The following ODR4 variants were observed in gnomAD, a reference collection of about 807,000 sequenced individuals.
The protein encoded by ODR4 is protein odr-4 homolog.
In ODR4, 47 loss-of-function variants were observed where a neutral mutation model predicts 60.2. The ratio of observed to expected loss-of-function variants is 0.78; its 90% confidence interval spans 0.62 to 1.00. ODR4 has a LOEUF of 1.00. ODR4 is among the 50% of genes least tolerant of loss of function. The pLI is 0.00. For synonymous variants in ODR4, 178 were observed against 175.5 expected (o/e 1.01, Z -0.11); for missense variants, 488 against 530.8 (o/e 0.92, Z 0.79).
At chr1:186,413,851 A>G (rs1661458047) in intron 12 of ODR4, among the ~76,000 whole-genome samples, 1 of 152,204 alleles carries the variant, frequency 6.6e-6, no homozygotes, top group Non-Finnish European at 1.5e-5. Context: ...CCTACCTATC[A>G]GCAGCTTGGA....
At chr1:186,398,581 C>T (rs1660789401) in intron 10 of ODR4, 140 bp downstream of exon 10, 1 of 824,360 alleles carries the variant, frequency 1.2e-6, no homozygotes, top group Non-Finnish European at 1.8e-6. Flanking sequence ...TCCAAATGTA[C>T]CATATAATTG....
chr1:186,408,646 TATATA>T (rs1289758651), intron 12 of ODR4, among the ~76,000 whole-genome samples: 8 of 150,062 alleles, frequency 5.3e-5, no homozygotes, highest in Middle Eastern at 3.6e-3. Context: ...GTTTATAAAA[TATATA>T]ATATAAACAA....
At chr1:186,413,352 G>C (rs1334609362) in intron 12 of ODR4, among the ~76,000 whole-genome samples, 1 of 151,868 alleles carries the variant, frequency 6.6e-6, no homozygotes. Context: ...ACTTATTTCT[G>C]TTCTATAGTA....
At chr1:186,399,202 T>A in intron 11 of ODR4, 158 bp downstream of exon 11, 3 of 648,790 alleles carry the variant, frequency 4.6e-6, no homozygotes, top group Non-Finnish European at 8.4e-6. Context: ...CAGTTGCTAC[T>A]CAGATTTTTT....
chr1:186,386,094 T>C lies in ODR4; in HGVS notation c.330+11T>C, dbSNP rs779007486. On this transcript the variant is annotated intron_variant, in intron 4 of 13. Coordinates refer to ENST00000287859, the MANE Select transcript of ODR4 (RefSeq NM_017847.6). ...AATGCCCTGCGTAGAGTAAGTTTGA[T>C]ATATCGAAAATTCTTAATGAAATCA... 6.7e-7 allele frequency: 1 copy of C among 1,488,714 alleles called. No individual in the cohort carries two copies. The highest frequency in any genetic ancestry group is 1.4e-5 in the African/African-American group (1 of 71,468). 92.2% of individuals were successfully genotyped at this position (1,488,714 alleles called of 1,614,324 possible).
intron 5 of ODR4, 61 bp downstream of exon 5, chr1:186,388,609 G>GT: frequency 5.3e-6 from 5 of 938,456 alleles, no homozygotes; most frequent in Non-Finnish European, 7.6e-6. Context: ...TTCTTGCAAG[G>GT]TTTTTTTGCT....
chr1:186,382,130 G>C (rs1660058621), intron 2 of ODR4, among the ~76,000 whole-genome samples: 1 of 151,970 alleles, frequency 6.6e-6, no homozygotes, highest in Admixed American at 6.6e-5. Context: ...AACAGATTGG[G>C]TGTGGTGGCT....
At chr1:186,428,061 T>G in the ODR4 span, among the ~76,000 whole-genome samples, 3 of 152,176 alleles carry the variant, frequency 2.0e-5, no homozygotes, top group African/African-American at 7.2e-5. Flanking sequence ...GCAAAGGAGC[T>G]TTGGCTTCAA....
At chr1:186,404,994 A>G (rs1661119278) in intron 11 of ODR4, among the ~76,000 whole-genome samples, 1 of 152,180 alleles carries the variant, frequency 6.6e-6, no homozygotes, top group African/African-American at 2.4e-5. Flanking sequence ...AACAGTGACT[A>G]TGTTAGAAAT....
intron 12 of ODR4, among the ~76,000 whole-genome samples, chr1:186,412,848 G>A (rs1661424464): frequency 6.6e-6 from 1 of 152,034 alleles, no homozygotes; most frequent in Non-Finnish European, 1.5e-5. Context: ...TATATAAATG[G>A]AGGATGATAT....
Position 186,380,391 on chromosome 1 carries a change from A to G in ODR4, c.99+507A>G, listed in dbSNP as rs551051074. Among the ~76,000 whole-genome samples the G allele has an allele frequency of 3.9e-5, 6 of 152,090 alleles. No individual in the cohort carries two copies. The South Asian group carries it at 1.2e-3, about 32-fold the overall frequency. ...TGTTGTTGTTGTTGGATCAATAGGG[A>G]GGGAGAGGGATTGGGAAAAATTTGG... On this transcript the variant is annotated intron_variant, in intron 2 of 13. Coordinates refer to ENST00000287859, the MANE Select transcript of ODR4 (RefSeq NM_017847.6).
chr1:186,406,127 C>G lies in ODR4; in HGVS notation c.1045C>G (p.Pro349Ala), dbSNP rs746391908. The change falls in exon 12 of 14, where the codon CCC becomes GCC. Residue 349 changes from proline to alanine, a missense_variant. Physicochemically the swap from Pro to Ala is conservative, Grantham distance 27. Coordinates refer to ENST00000287859, the MANE Select transcript of ODR4 (RefSeq NM_017847.6). ...CGTCCTCCCTTATCGAGTCTTTGTT[C>G]CCCTTCCTGGATCCACTGTAATGTT... is the stretch of plus-strand genomic sequence containing the variant. Reference protein sequence around the residue: ...FHVLPYRVFVPLPGSTVMLCD... With the variant: ...FHVLPYRVFVALPGSTVMLCD... 10 of 1,602,398 alleles carry G rather than the reference C, an allele frequency of 6.2e-6. No individual in the cohort carries two copies. Among genetic ancestry groups the G allele is most frequent in the Non-Finnish European group, 7.7e-6 (9 of 1,175,054 alleles).
At chr1:186,401,488 C>T (rs1660944906) in intron 11 of ODR4, 1 of 206,054 alleles carries the variant, frequency 4.9e-6, no homozygotes, top group South Asian at 9.7e-5. Flanking sequence ...TTCTTTCTCT[C>T]TTTCTTTCTT....
chr1:186,411,213 G>A (rs1057214690), intron 12 of ODR4, among the ~76,000 whole-genome samples: 3 of 152,064 alleles, frequency 2.0e-5, no homozygotes, highest in African/African-American at 7.2e-5. Context: ...CTAAGCTGGT[G>A]TACTGCAAGT....
chr1:186,401,477 T>TGTCG, intron 11 of ODR4: 1 of 216,720 alleles, frequency 4.6e-6, no homozygotes, highest in Non-Finnish European at 9.7e-6. Flanking sequence ...TCTGTCTGTC[T>TGTCG]TTCTTTCTCT....
chr1:186,400,531 C>T (rs1039696213), intron 11 of ODR4: 14 of 153,512 alleles, frequency 9.1e-5, no homozygotes, highest in East Asian at 1.9e-4. Context: ...CCACCCACCT[C>T]GGCCTCCCAA....
At chr1:186,432,623 CT>C in the ODR4 span, among the ~76,000 whole-genome samples, 1 of 151,862 alleles carries the variant, frequency 6.6e-6, no homozygotes, top group Admixed American at 6.6e-5. Context: ...TTCTAGAAAT[CT>C]ATTTTTTTTG....
At chr1:186,432,560 A>G in the ODR4 span, among the ~76,000 whole-genome samples, 68 of 152,116 alleles carry the variant, frequency 4.5e-4, 1 homozygote, top group African/African-American at 1.6e-3. Flanking sequence ...TGCTGGTTAC[A>G]GGGCTATTCA....
At chr1:186,383,275 G>T in intron 3 of ODR4, 119 bp downstream of exon 3, 1 of 1,122,152 alleles carries the variant, frequency 8.9e-7, no homozygotes. Flanking sequence ...AAAGATGACT[G>T]AGATTTTTAG....
Sources: gnomAD v4.1 joint callset for allele counts (sites outside exome capture counted in the v4.1 genomes callset) on GRCh38, gnomAD v4.1.1 for gene constraint, MANE v1.5 for transcripts, NCBI Gene and HGNC (gene_info 2026-07-23, HGNC 2026-07-21) for gene names.